GDA: variants seen among roughly 807,000 people sequenced by gnomAD.
GDA encodes the protein cytoplasmic PSD-95 interactor.
A neutral mutation model predicts 59.6 loss-of-function variants in GDA; 18 were observed. The ratio of observed to expected loss-of-function variants is 0.30; its 90% confidence interval spans 0.21 to 0.45. The LOEUF (loss-of-function observed/expected upper bound fraction) is 0.45. Among genes scored for constraint, GDA ranks in the 20% least tolerant of loss-of-function variants. GDA has a pLI of 1.00. For synonymous variants in GDA, 201 were observed against 201.1 expected, an observed-to-expected ratio of 1.00 and a Z score of 0.00; for missense variants, 427 against 552.3, an observed-to-expected ratio of 0.77 and a Z score of 2.27.
rs1033540849 is a variant in GDA at position 72,149,552 on chromosome 9, C to T, written c.-8C>T. On this transcript the variant is annotated 5_prime_UTR_variant, in exon 1 of 14. Transcript: ENST00000358399. Reference sequence around the variant, plus strand: ...ACCAGCAGACCCGCGCTGCGCTCCGCCGCTGACATGTGTGCCGCTCAGATG... The same window carrying T: ...ACCAGCAGACCCGCGCTGCGCTCCGTCGCTGACATGTGTGCCGCTCAGATG... 3.1e-6 allele frequency: 5 copies of T among 1,609,374 alleles called. No homozygotes were observed. The highest frequency in any genetic ancestry group is 2.5e-6 in the Non-Finnish European group (3 of 1,178,908).
intron 4 of GDA, among the ~76,000 whole-genome samples, chr9:72,213,099 C>A (rs1835592763): frequency 6.6e-6 from 1 of 151,920 alleles, no homozygotes. Flanking sequence ...GAAACACTGT[C>A]TCTACTAAAA....
At chr9:72,246,731 AG>A (rs36027299) in intron 12 of GDA, among the ~76,000 whole-genome samples, 22,384 of 152,124 alleles carry the variant, frequency 0.15, 1,799 homozygotes, top group Middle Eastern at 0.27. Context: ...GTAAGGGGTA[AG>A]GGGAGGGTCA....
intron 5 of GDA, among the ~76,000 whole-genome samples, chr9:72,215,472 T>TA (rs765253869): frequency 7.9e-5 from 12 of 152,192 alleles, no homozygotes; most frequent in Non-Finnish European, 1.2e-4. Flanking sequence ...ATGTATGCTG[T>TA]AATGGCCATA....
chr9:72,247,391 T>G lies in GDA; in HGVS notation c.1267-15T>G. 6.9e-7 allele frequency: 1 copy of G among 1,444,436 alleles called. No homozygotes were observed. Among genetic ancestry groups the G allele is most frequent in the Non-Finnish European group, 9.8e-7 (1 of 1,025,426 alleles). The allele number at this position is 1,444,436 out of a possible 1,614,324, so 89.5% of individuals were successfully genotyped here. A position where few individuals can be genotyped will look rare whatever the true frequency, so the allele number is the denominator to read the frequency against. ...ACAAATGAGTCTTTCTTATTACTTT[T>G]ATTTTCCATTTTAGGCTGTTATCCA... On this transcript the variant is annotated splice_polypyrimidine_tract_variant and intron_variant, in intron 12 of 13. Coordinates refer to ENST00000358399, the MANE Select transcript of GDA (RefSeq NM_004293.5).
chr9:72,194,979 C>T (rs1310890202), intron 1 of GDA, among the ~76,000 whole-genome samples: 4 of 152,206 alleles, frequency 2.6e-5, no homozygotes, highest in Admixed American at 2.0e-4. Context: ...ATGCTCTCCA[C>T]ACCACATCAC....
chr9:72,127,616 G>A (rs13292528), intron 1 of GDA, among the ~76,000 whole-genome samples: 7 of 147,304 alleles, frequency 4.8e-5, no homozygotes, highest in African/African-American at 1.0e-4. Flanking sequence ...CAGCCTGGGC[G>A]ACAGAGAGAG....
intron 1 of GDA, among the ~76,000 whole-genome samples, chr9:72,162,727 G>A (rs997010238): frequency 1.3e-5 from 2 of 151,572 alleles, no homozygotes; most frequent in African/African-American, 4.8e-5. Flanking sequence ...GCGTGGTCTC[G>A]GCTTACTGCA....
intron 3 of GDA, among the ~76,000 whole-genome samples, chr9:72,203,093 A>G (rs1341900616): frequency 2.0e-5 from 3 of 152,170 alleles, no homozygotes; most frequent in African/African-American, 7.2e-5. Context: ...TGGATTCATT[A>G]TGTGACCTTT....
chr9:72,191,793 G>A (rs562277959), intron 1 of GDA, among the ~76,000 whole-genome samples: 1 of 152,074 alleles, frequency 6.6e-6, no homozygotes, highest in Admixed American at 6.5e-5. Flanking sequence ...TCACCATGTT[G>A]ACCAGGCTGG....
intron 1 of GDA, among the ~76,000 whole-genome samples, chr9:72,152,085 G>A (rs1052640873): frequency 8.5e-5 from 13 of 152,146 alleles, no homozygotes; most frequent in Non-Finnish European, 1.8e-4. Context: ...AGATTCAGAC[G>A]CAGGTAGCGG....
intron 1 of GDA, among the ~76,000 whole-genome samples, chr9:72,173,229 G>T (rs1413808456): frequency 6.6e-6 from 1 of 152,052 alleles, no homozygotes; most frequent in Non-Finnish European, 1.5e-5. Flanking sequence ...TTCCTTTTAT[G>T]CTGAGTTCCA....
chr9:72,126,295 T>C (rs1825845505), intron 1 of GDA, among the ~76,000 whole-genome samples: 1 of 152,196 alleles, frequency 6.6e-6, no homozygotes, highest in Admixed American at 6.5e-5. Flanking sequence ...CTTAGTTTGT[T>C]CGTTTATCTG....
At chr9:72,211,227 A>C (rs1224564460) in intron 4 of GDA, among the ~76,000 whole-genome samples, 1 of 152,242 alleles carries the variant, frequency 6.6e-6, no homozygotes, top group African/African-American at 2.4e-5. Flanking sequence ...TTGAGAAGCC[A>C]GACAGAATAC....
chr9:72,250,592 T>C lies in GDA; in HGVS notation c.*2250T>C. 6.6e-7 allele frequency: 1 copy of C among 1,505,418 alleles called. No homozygotes were observed. The highest frequency in any genetic ancestry group is 2.5e-5 in the Admixed American group (1 of 39,266). 93.3% of individuals were successfully genotyped at this position (1,505,418 alleles called of 1,614,324 possible). A position where few individuals can be genotyped will look rare whatever the true frequency, so the allele number is the denominator to read the frequency against. On this transcript the variant is annotated 3_prime_UTR_variant, in exon 14 of 14. Transcript: ENST00000358399. ...CCTGAATGTTATGTATGCTTTTTTT[T>C]CTGTACCACAGGCATTATCTATACC...
Position 72,156,644 on chromosome 9 carries a change from C to T in GDA, c.123+6962C>T, listed in dbSNP as rs76097951. Among the ~76,000 whole-genome samples, 189 of 152,346 alleles carry T rather than the reference C, an allele frequency of 1.2e-3. 2 individuals carry two copies. The East Asian group carries it at 0.032, about 26-fold the overall frequency. On this transcript the variant is annotated intron_variant, in intron 1 of 13. Coordinates refer to ENST00000358399, the MANE Select transcript of GDA (RefSeq NM_004293.5). ...TGGTTACCCACTCAGCAGTCATGAC[C>T]TCTTTTTCCTTATTAACACCTGAAT... is the stretch of plus-strand genomic sequence containing the variant.
At chr9:72,197,959 G>A (rs1833405440) in intron 2 of GDA, among the ~76,000 whole-genome samples, 1 of 152,160 alleles carries the variant, frequency 6.6e-6, no homozygotes, top group South Asian at 2.1e-4. Context: ...GGTGGCCATG[G>A]ACCCTGGACA....
At position 72,136,494 on chromosome 9, in the gene GDA, C is replaced by T. The variant is rs76726984; in HGVS notation, c.-100+21661C>T. ...TTCTAGTATACACTGTACTATTCTT[C>T]TAAATTGCCTTAAAAAATAGTAGAA... is the stretch of plus-strand genomic sequence containing the variant. On this transcript the variant is annotated intron_variant, in intron 1 of 13. Transcript: ENST00000545168. Among the ~76,000 whole-genome samples, 1,333 of 152,228 alleles carry T rather than the reference C, an allele frequency of 8.8e-3. 21 individuals are homozygous for T. The highest frequency in any genetic ancestry group is 0.031 in the African/African-American group (1,268 of 41,524).
chr9:72,256,112 C>T (rs1479926863), downstream of GDA, among the ~76,000 whole-genome samples: 1 of 152,002 alleles, frequency 6.6e-6, no homozygotes, highest in African/African-American at 2.4e-5. Flanking sequence ...CTTTTTATGT[C>T]TTTGTAAATT....
chr9:72,191,647 G>A (rs972849837), intron 1 of GDA, among the ~76,000 whole-genome samples: 8 of 152,088 alleles, frequency 5.3e-5, no homozygotes, highest in Middle Eastern at 3.4e-3. Flanking sequence ...GTGCAATGGC[G>A]CAATCTCGGC....
Sources: gnomAD v4.1 joint callset for allele counts (sites outside exome capture counted in the v4.1 genomes callset) on GRCh38, gnomAD v4.1.1 for gene constraint, MANE v1.5 for transcripts, NCBI Gene and HGNC (gene_info 2026-07-23, HGNC 2026-07-21) for gene names.